Variants in KDELR2 observed in about 807,000 individuals in gnomAD.
KDELR2 encodes KDEL endoplasmic reticulum protein retention receptor 2.
KDELR2 carries 15 observed loss-of-function variants against 23.9 expected under a neutral mutation model. The ratio of observed to expected loss-of-function variants is 0.63; its 90% CI spans 0.42 to 0.97. The LOEUF is 0.97. Ranked by LOEUF, KDELR2 falls within the 50% of genes least tolerant of loss-of-function variation. The pLI is 0.00. For synonymous variants in KDELR2, 119 were observed against 106.2 expected, an observed-to-expected ratio of 1.12 and a Z score of -0.74; for missense variants, 272 against 254.6, an observed-to-expected ratio of 1.07 and a Z score of -0.46.
intron 3 of KDELR2, 135 bp downstream of exon 3, chr7:6,469,461 T>C: frequency 5.5e-6 from 4 of 728,610 alleles, no homozygotes; most frequent in Non-Finnish European, 9.1e-6. Context: ...TGCACCATGT[T>C]GGCCAGGCTG....
At chr7:6,483,272 G>C (rs538635482) in intron 1 of KDELR2, among the ~76,000 whole-genome samples, 1 of 152,214 alleles carries the variant, frequency 6.6e-6, no homozygotes, top group African/African-American at 2.4e-5. Context: ...TTAAAAACCA[G>C]ATCGTTTCCC....
In KDELR2 at chr7:6,463,166, C is replaced by T. The variant is rs1785425070; in HGVS notation, c.614G>A (p.Gly205Glu). The change falls in exon 5 of 5, where the codon GGA becomes GAA. Residue 205 changes from glycine to glutamate, a missense_variant. By Grantham distance (98) the Gly-to-Glu change is moderately conservative. Coordinates refer to ENST00000258739, the MANE Select transcript of KDELR2 (RefSeq NM_006854.4). ...TTATGCTGGCAAACTGAGCTTCTTT[C>T]CCTTGAGTACTAGAATTTCAAAGAG... ...FYLYITKVLK[G>E]KKLSLPA is the part of the protein sequence containing the mutation. 1.2e-6 allele frequency: 2 copies of T among 1,612,548 alleles called. No individual in the cohort carries two copies. The highest frequency in any genetic ancestry group is 1.1e-5 in the South Asian group (1 of 90,576).
rs73342990 is a variant in KDELR2, at chr7:6,472,739, C to T, written c.192+1445G>A. Among the ~76,000 whole-genome samples, 1,319 of 152,082 alleles carry T rather than the reference C, an allele frequency of 8.7e-3. 24 individuals carry two copies. The highest frequency in any genetic ancestry group is 0.031 in the African/African-American group (1,281 of 41,468). On this transcript the variant is annotated intron_variant, in intron 2 of 4. Transcript: ENST00000258739. Reference sequence around the variant, plus strand: ...ATGTTGGGGGGAGGTTGTTTAGGTGCCATACCAATAGGATTCAGTTGAAAT... The same window carrying T: ...ATGTTGGGGGGAGGTTGTTTAGGTGTCATACCAATAGGATTCAGTTGAAAT...
In KDELR2 at chr7:6,462,503, T is replaced by A. The variant is rs1785409797; in HGVS notation, c.*638A>T. 1 of 159,908 alleles carries A rather than the reference T, an allele frequency of 6.3e-6. No individual in the cohort carries two copies. The highest frequency in any genetic ancestry group is 2.4e-5 in the African/African-American group (1 of 41,490). 9.9% of individuals were successfully genotyped at this position (159,908 alleles called of 1,614,324 possible). On this transcript the variant is annotated 3_prime_UTR_variant, in exon 5 of 5. Transcript: ENST00000258739. ...TTGGTGACTCTTCAGTGAGACTCCATCGACATTCAGAATCTTAAAATGTTG... is the reference window on the plus strand; with the variant it reads ...TTGGTGACTCTTCAGTGAGACTCCAACGACATTCAGAATCTTAAAATGTTG...
chr7:6,482,079 C>G (rs1432742196), intron 1 of KDELR2, among the ~76,000 whole-genome samples: 1 of 151,948 alleles, frequency 6.6e-6, no homozygotes. Context: ...CTCAGCTCAC[C>G]GCAATCTCCG....
At chr7:6,463,869 T>A (rs977859468) in intron 4 of KDELR2, among the ~76,000 whole-genome samples, 1 of 151,262 alleles carries the variant, frequency 6.6e-6, no homozygotes, top group African/African-American at 2.4e-5. Flanking sequence ...AAGACCAGCC[T>A]AGCCAACATG....
Position 6,462,468 on chromosome 7 carries a change from G to T in KDELR2, c.*673C>A. 6.4e-6 allele frequency: 1 copy of T among 156,628 alleles called. No homozygotes were observed. The highest frequency in any genetic ancestry group is 1.4e-5 in the Non-Finnish European group (1 of 71,070). The allele number at this position is 156,628 out of a possible 1,614,324, so 9.7% of individuals were successfully genotyped here. Reference sequence around the variant, plus strand: ...TGACACTTCCCAGCAGGGGAGGAGGGCAGGCACCTTTGGTGACTCTTCAGT... The same window carrying T: ...TGACACTTCCCAGCAGGGGAGGAGGTCAGGCACCTTTGGTGACTCTTCAGT... On this transcript the variant is annotated 3_prime_UTR_variant, in exon 5 of 5. Transcript: ENST00000258739.
At position 6,484,090 on chromosome 7, in the gene KDELR2, G is replaced by T. The variant is rs1323614476; in HGVS notation, c.-33C>A. 1 of 1,418,302 alleles carries T rather than the reference G, an allele frequency of 7.1e-7. No individual in the cohort carries two copies. The highest frequency in any genetic ancestry group is 1.5e-5 in the African/African-American group (1 of 67,200). The allele number at this position is 1,418,302 out of a possible 1,614,324, so 87.9% of individuals were successfully genotyped here. A position where few individuals can be genotyped will look rare whatever the true frequency, so the allele number is the denominator to read the frequency against. On this transcript the variant is annotated 5_prime_UTR_variant, in exon 1 of 5. Coordinates refer to ENST00000258739, the MANE Select transcript of KDELR2 (RefSeq NM_006854.4). ...GCGGCGGTGGCGGTCGGCGCAGCGC[G>T]GCGGCCCCGGGGCTGGGCGGCTCAG...
intron 1 of KDELR2, among the ~76,000 whole-genome samples, chr7:6,480,504 A>G (rs192396773): frequency 6.6e-6 from 1 of 152,246 alleles, no homozygotes; most frequent in Non-Finnish European, 1.5e-5. Context: ...CACTGCCCCC[A>G]CTTTAAAACG....
At chr7:6,475,812 A>G (rs1263167788) in intron 1 of KDELR2, among the ~76,000 whole-genome samples, 1 of 152,266 alleles carries the variant, frequency 6.6e-6, no homozygotes, top group Non-Finnish European at 1.5e-5. Flanking sequence ...TATAATGCAT[A>G]CTTCACACCA....
At chr7:6,467,259 C>T (rs977281342) in intron 3 of KDELR2, among the ~76,000 whole-genome samples, 1 of 152,332 alleles carries the variant, frequency 6.6e-6, no homozygotes, top group Non-Finnish European at 1.5e-5. Flanking sequence ...AAGCTCCTTC[C>T]ACTTCCTCAC....
rs1376869456 is a variant in KDELR2 at position 6,463,077 on chromosome 7, T to C, written c.*64A>G. 1 of 1,614,210 alleles carries C rather than the reference T, an allele frequency of 6.2e-7. No individual in the cohort carries two copies. The highest frequency in any genetic ancestry group is 1.3e-5 in the African/African-American group (1 of 75,064). ...TTTCCGTATCAAGCATCTTATGCCTTTGCTGTGGTAAGAATTCTGTCCGAG... is the reference window on the plus strand; with the variant it reads ...TTTCCGTATCAAGCATCTTATGCCTCTGCTGTGGTAAGAATTCTGTCCGAG... On this transcript the variant is annotated 3_prime_UTR_variant, in exon 5 of 5. Transcript: ENST00000258739.
chr7:6,479,132 T>C (rs1223885453), intron 1 of KDELR2, among the ~76,000 whole-genome samples: 1 of 152,020 alleles, frequency 6.6e-6, no homozygotes, highest in Non-Finnish European at 1.5e-5. Flanking sequence ...ATTGCAGCTT[T>C]CTTGAGAATA....
chr7:6,467,738 G>A (rs1785531741), intron 3 of KDELR2, among the ~76,000 whole-genome samples: 1 of 152,090 alleles, frequency 6.6e-6, no homozygotes, highest in African/African-American at 2.4e-5. Flanking sequence ...TCCAGCCTGG[G>A]TGACAGCGAG....
intron 1 of KDELR2, among the ~76,000 whole-genome samples, chr7:6,478,513 T>A (rs1434667872): frequency 6.6e-6 from 1 of 152,214 alleles, no homozygotes; most frequent in Non-Finnish European, 1.5e-5. Flanking sequence ...TTCGTTATTC[T>A]TCAGTGAATT....
Position 6,462,099 on chromosome 7 carries a change from G to C in KDELR2, c.*1042C>G, listed in dbSNP as rs1272841933. On this transcript the variant is annotated 3_prime_UTR_variant, in exon 5 of 5. Coordinates refer to ENST00000258739, the MANE Select transcript of KDELR2 (RefSeq NM_006854.4). Reference sequence around the variant, plus strand: ...AGCTCTGTAAAACAAAACAAAACAAGAAACTACGATGTCGGCTGCGGGTTA... The same window carrying C: ...AGCTCTGTAAAACAAAACAAAACAACAAACTACGATGTCGGCTGCGGGTTA... The C allele has an allele frequency of 6.6e-6, 1 of 151,852 alleles. No individual in the cohort carries two copies. Among genetic ancestry groups the C allele is most frequent in the Non-Finnish European group, 1.5e-5 (1 of 67,968 alleles). The allele number at this position is 151,852 out of a possible 1,614,324, so 9.4% of individuals were successfully genotyped here. A position where few individuals can be genotyped will look rare whatever the true frequency, so the allele number is the denominator to read the frequency against.
At chr7:6,464,829 G>A (rs1172292226) in intron 4 of KDELR2, among the ~76,000 whole-genome samples, 3 of 149,284 alleles carry the variant, frequency 2.0e-5, no homozygotes, top group Non-Finnish European at 3.0e-5. Context: ...TCTGCCTCCC[G>A]GGTTCAAGAG....
intron 4 of KDELR2, among the ~76,000 whole-genome samples, chr7:6,465,142 A>G (rs1785474788): frequency 1.3e-5 from 2 of 151,664 alleles, no homozygotes; most frequent in Admixed American, 6.6e-5. Context: ...GAACCCCTCA[A>G]AACTATATAC....
intron 2 of KDELR2, among the ~76,000 whole-genome samples, chr7:6,472,897 C>CTTTTT (rs35369447): frequency 3.6e-5 from 4 of 111,222 alleles, no homozygotes; most frequent in African/African-American, 1.0e-4. Context: ...AGCCCCTGTT[C>CTTTTT]TTTTTTTTTT....
Sources: gnomAD v4.1 joint callset for allele counts (sites outside exome capture counted in the v4.1 genomes callset) on GRCh38, gnomAD v4.1.1 for gene constraint, MANE v1.5 for transcripts, NCBI Gene and HGNC (gene_info 2026-07-23, HGNC 2026-07-21) for gene names.